ZSWIM5: variants seen among roughly 807,000 people sequenced by gnomAD.
ZSWIM5 encodes the protein zinc finger SWIM-type containing 5.
A neutral mutation model predicts 119.6 loss-of-function variants in ZSWIM5; 55 were observed. The observed-to-expected ratio is 0.46, with a 90% confidence interval of 0.37 to 0.58. The LOEUF (loss-of-function observed/expected upper bound fraction) is 0.58. ZSWIM5 is among the 20% of genes least tolerant of loss of function. The pLI is 0.00. For synonymous variants in ZSWIM5, 537 were observed against 606.9 expected (o/e 0.88, Z 1.69); for missense variants, 1,193 against 1,512.8 (o/e 0.79, Z 3.51).
At chr1:45,158,139 T>C (rs1344489246) in intron 1 of ZSWIM5, among the ~76,000 whole-genome samples, 1 of 152,190 alleles carries the variant, frequency 6.6e-6, no homozygotes, top group African/African-American at 2.4e-5. Flanking sequence ...ATATATTTTG[T>C]ATGTATACTA....
At chr1:45,127,841 T>G (rs1027771894) in intron 1 of ZSWIM5, among the ~76,000 whole-genome samples, 8 of 152,038 alleles carry the variant, frequency 5.3e-5, no homozygotes, top group Admixed American at 2.6e-4. Flanking sequence ...AATGAACATA[T>G]AGAAACCCAA....
At chr1:45,115,732 G>A (rs944057577) in intron 1 of ZSWIM5, among the ~76,000 whole-genome samples, 3 of 150,834 alleles carry the variant, frequency 2.0e-5, no homozygotes, top group Admixed American at 1.3e-4. Flanking sequence ...TCCCAGACGG[G>A]ATGGCGGCTG....
chr1:45,052,175 G>A (rs1415238882), intron 4 of ZSWIM5, among the ~76,000 whole-genome samples: 3 of 148,862 alleles, frequency 2.0e-5, no homozygotes, highest in Admixed American at 6.8e-5. Flanking sequence ...ACAGGCATCC[G>A]CCACCATGCC....
chr1:45,089,266 G>C (rs890597392), intron 1 of ZSWIM5, among the ~76,000 whole-genome samples: 2 of 152,162 alleles, frequency 1.3e-5, no homozygotes, highest in Non-Finnish European at 2.9e-5. Context: ...ACAGGCGTGA[G>C]CCACCATGCC....
Position 45,088,930 on chromosome 1 carries a change from A to G in ZSWIM5, c.596-693T>C, listed in dbSNP as rs1358395066. Among the ~76,000 whole-genome samples, 1 of 152,184 alleles carries G rather than the reference A, an allele frequency of 6.6e-6. No individual in the cohort carries two copies. The highest frequency in any genetic ancestry group is 1.5e-5 in the Non-Finnish European group (1 of 68,040). ...GTAACAAAATTAAAAGATAAAATCA[A>G]TAGCAAATCAATTCTATAATATTAA... On this transcript the variant is annotated intron_variant, in intron 1 of 13. Transcript: ENST00000359600. This position sits in a 1 kb window ranked among gnomAD's most constrained non-coding sequence, Gnocchi z 4.2.
intron 1 of ZSWIM5, among the ~76,000 whole-genome samples, chr1:45,183,083 G>C (rs566090393): frequency 2.6e-5 from 4 of 152,192 alleles, no homozygotes; most frequent in Admixed American, 2.0e-4. Context: ...TAGAACTCAG[G>C]ATTAAGAAAC....
rs1422546722 is a variant in ZSWIM5, at chr1:45,043,229, T to C, written c.1599A>G (p.Pro533=). The C allele has an allele frequency of 2.5e-6, 4 of 1,613,554 alleles. No homozygotes were observed. Among genetic ancestry groups the C allele is most frequent in the Non-Finnish European group, 3.4e-6 (4 of 1,179,902 alleles). Residue 533 remains proline, a synonymous_variant, in exon 6 of 14, where the codon CCA becomes CCG. Transcript: ENST00000359600. ...ERLLFNSQGQ[P]LWLEHVPTAC... ...GAGGGCTAGACTTACCAAGCCACAG[T>C]GGCTGGCCTTGGGAATTAAAGAGTA...
chr1:45,071,909 T>C (rs1304449111), intron 2 of ZSWIM5, among the ~76,000 whole-genome samples: 1 of 152,212 alleles, frequency 6.6e-6, no homozygotes, highest in Non-Finnish European at 1.5e-5. Flanking sequence ...AGTGCAGACC[T>C]CTCTCTGATA....
intron 1 of ZSWIM5, among the ~76,000 whole-genome samples, chr1:45,147,495 T>G (rs1291277493): frequency 1.3e-5 from 2 of 150,518 alleles, no homozygotes; most frequent in Admixed American, 1.3e-4. Context: ...AAACGTTTTC[T>G]GCTTTGCAGA....
At chr1:45,189,691 G>A (rs1050413269) in intron 1 of ZSWIM5, among the ~76,000 whole-genome samples, 1 of 152,124 alleles carries the variant, frequency 6.6e-6, no homozygotes, top group African/African-American at 2.4e-5. Context: ...AGAAGGTAGG[G>A]GCTGCAGTAA....
intron 1 of ZSWIM5, among the ~76,000 whole-genome samples, chr1:45,117,910 G>T (rs1372228986): frequency 6.6e-6 from 1 of 152,174 alleles, no homozygotes; most frequent in Non-Finnish European, 1.5e-5. Flanking sequence ...CAGATTATTT[G>T]AGGGTTGCAT....
intron 1 of ZSWIM5, among the ~76,000 whole-genome samples, chr1:45,178,321 G>A (rs984485762): frequency 1.3e-5 from 2 of 152,124 alleles, no homozygotes; most frequent in African/African-American, 4.8e-5. Flanking sequence ...CTACTCGACC[G>A]ACTGAGGCTG....
chr1:45,041,200 T>C (rs1483019372), intron 6 of ZSWIM5, among the ~76,000 whole-genome samples: 1 of 152,176 alleles, frequency 6.6e-6, no homozygotes, highest in Non-Finnish European at 1.5e-5. Context: ...AGCATCCATC[T>C]TCAGAGTATG....
intron 2 of ZSWIM5, among the ~76,000 whole-genome samples, chr1:45,065,856 T>A (rs866920581): frequency 2.6e-5 from 4 of 152,246 alleles, no homozygotes; most frequent in Admixed American, 1.3e-4. Context: ...TCTTTTTTTT[T>A]AATTCTAATT....
chr1:45,106,596 C>T (rs1022441313), intron 1 of ZSWIM5, among the ~76,000 whole-genome samples: 2 of 150,118 alleles, frequency 1.3e-5, no homozygotes, highest in Middle Eastern at 3.5e-3. Flanking sequence ...AGTGAGGTGC[C>T]TCTGCCCGGC....
chr1:45,113,690 T>A (rs545437527), intron 1 of ZSWIM5, among the ~76,000 whole-genome samples: 4 of 152,340 alleles, frequency 2.6e-5, no homozygotes, highest in African/African-American at 9.6e-5. Context: ...GCTTAAAATA[T>A]GTCAATGATT....
At chr1:45,159,359 C>T (rs1037264672) in intron 1 of ZSWIM5, among the ~76,000 whole-genome samples, 3 of 152,110 alleles carry the variant, frequency 2.0e-5, no homozygotes, top group Non-Finnish European at 4.4e-5. Flanking sequence ...AATGTCACTT[C>T]TTTCATTTGT....
chr1:45,069,934 T>C (rs1645211521), intron 2 of ZSWIM5: 8 of 604,086 alleles, frequency 1.3e-5, no homozygotes, highest in Non-Finnish European at 2.1e-5. Context: ...ACTTCTTTGA[T>C]AGGAGCAAAT....
At chr1:45,187,365 C>T (rs528985940) in intron 1 of ZSWIM5, among the ~76,000 whole-genome samples, 9 of 151,892 alleles carry the variant, frequency 5.9e-5, no homozygotes, top group Non-Finnish European at 1.0e-4. Flanking sequence ...GTCATTTCAC[C>T]AAATAATGCT....
Sources: gnomAD v4.1 joint callset for allele counts (sites outside exome capture counted in the v4.1 genomes callset) on GRCh38, gnomAD v4.1.1 for gene constraint, Gnocchi (gnomAD v3.1) non-coding constraint, MANE v1.5 for transcripts, NCBI Gene and HGNC (gene_info 2026-07-23, HGNC 2026-07-21) for gene names.